Variants in PDZRN4 observed in about 807,000 individuals in gnomAD.
The protein encoded by PDZRN4 is PDZ domain containing ring finger 4.
Under a neutral mutation model 99.0 loss-of-function variants are expected in PDZRN4, and 70 were observed. The ratio of observed to expected loss-of-function variants is 0.71; its 90% CI spans 0.58 to 0.86. The LOEUF (loss-of-function observed/expected upper bound fraction) is 0.86. Ranked by LOEUF, PDZRN4 falls within the 40% of genes least tolerant of loss-of-function variation. The pLI, the probability that PDZRN4 is intolerant of heterozygous loss-of-function variation, is 0.00. For synonymous variants in PDZRN4, 551 were observed against 501.6 expected (o/e 1.10, Z -1.32); for missense variants, 1,474 against 1,331.2 (o/e 1.11, Z -1.67).
At chr12:41,522,721 G>T (rs1355538404) in intron 5 of PDZRN4, among the ~76,000 whole-genome samples, 1 of 152,044 alleles carries the variant, frequency 6.6e-6, no homozygotes, top group Non-Finnish European at 1.5e-5. Context: ...TTTCCTTAAT[G>T]GTCTTAAACA....
At chr12:41,332,002 G>A (rs1170083621) in intron 3 of PDZRN4, among the ~76,000 whole-genome samples, 1 of 152,048 alleles carries the variant, frequency 6.6e-6, no homozygotes, top group Non-Finnish European at 1.5e-5. Context: ...AGTCATCTGT[G>A]GTAGGAAACG....
chr12:41,404,744 T>TA (rs35907714), intron 3 of PDZRN4, among the ~76,000 whole-genome samples: 58,370 of 145,422 alleles, frequency 0.4, 11,447 homozygotes, highest in South Asian at 0.45. Context: ...CAAGCTATAC[T>TA]AAAAAAAAAA....
intron 5 of PDZRN4, among the ~76,000 whole-genome samples, chr12:41,531,424 C>G (rs1424590950): frequency 6.6e-6 from 1 of 152,192 alleles, no homozygotes; most frequent in Non-Finnish European, 1.5e-5. Context: ...CGATGTGTTT[C>G]TGTCAACATG....
chr12:41,275,970 T>A (rs560966704), intron 3 of PDZRN4, among the ~76,000 whole-genome samples: 2 of 152,184 alleles, frequency 1.3e-5, no homozygotes, highest in Admixed American at 1.3e-4. Flanking sequence ...GTTGGGTAAA[T>A]GGTTACAGGC....
intron 3 of PDZRN4, 126 bp downstream of exon 3, chr12:41,194,314 GC>G: frequency 1.6e-6 from 1 of 641,190 alleles, no homozygotes; most frequent in East Asian, 2.8e-5. Flanking sequence ...AGCAGTAAAG[GC>G]ATTATCATTT....
intron 3 of PDZRN4, among the ~76,000 whole-genome samples, chr12:41,327,265 G>A (rs1430689164): frequency 6.6e-6 from 1 of 152,132 alleles, no homozygotes; most frequent in African/African-American, 2.4e-5. Flanking sequence ...GAAAGCTTGA[G>A]CATATCCTCC....
chr12:41,561,542 T>C (rs1283928430), intron 7 of PDZRN4, among the ~76,000 whole-genome samples: 1 of 148,232 alleles, frequency 6.7e-6, no homozygotes, highest in African/African-American at 2.5e-5. Flanking sequence ...AAGTGCAATT[T>C]AGATGAAGAA....
intron 3 of PDZRN4, among the ~76,000 whole-genome samples, chr12:41,405,440 T>C (rs1375906538): frequency 6.6e-6 from 1 of 151,964 alleles, no homozygotes; most frequent in Non-Finnish European, 1.5e-5. Flanking sequence ...TAAAAAGTCA[T>C]AAAGCAACAG....
rs1295213974 is a variant in PDZRN4 at position 41,573,799 on chromosome 12, G to A, written c.3020G>A (p.Trp1007Ter). ...KKRNKKILDN[W>*]MTIQELMTHG... is the part of the protein sequence containing the mutation. ...AGAAACAAGAAAATTTTGGACAACT[G>A]GATGACAATCCAAGAACTGATGACC... Residue 1007 changes from tryptophan to a stop codon, truncating the protein, a stop_gained, in exon 10 of 10, where the codon TGG (tryptophan) becomes TAG (stop). Transcript: ENST00000402685. LOFTEE classifies it high-confidence loss of function. The A allele has an allele frequency of 6.2e-7, 1 of 1,613,400 alleles. No homozygotes were observed. The highest frequency in any genetic ancestry group is 1.3e-5 in the African/African-American group (1 of 74,870).
At chr12:41,412,583 G>T (rs932286722) in intron 3 of PDZRN4, 6 of 152,114 alleles carry the variant, frequency 3.9e-5, no homozygotes, top group Non-Finnish European at 7.3e-5. Context: ...AAACAAAAAG[G>T]ACGGTCAATA....
At chr12:41,342,725 A>G (rs1032797111) in intron 3 of PDZRN4, among the ~76,000 whole-genome samples, 1 of 151,894 alleles carries the variant, frequency 6.6e-6, no homozygotes, top group Non-Finnish European at 1.5e-5. Context: ...TGGCAAATAT[A>G]TGGAGAAAAG....
chr12:41,475,683 G>A (rs1256237031), intron 3 of PDZRN4, among the ~76,000 whole-genome samples: 1 of 152,248 alleles, frequency 6.6e-6, no homozygotes, highest in Admixed American at 6.5e-5. Flanking sequence ...CATAATATTA[G>A]CGCTCAAATT....
chr12:41,315,388 C>A (rs1017164108), intron 3 of PDZRN4, among the ~76,000 whole-genome samples: 2 of 152,014 alleles, frequency 1.3e-5, no homozygotes, highest in African/African-American at 4.8e-5. Flanking sequence ...AAGCTTTGAT[C>A]CACACCACTG....
At chr12:41,197,396 T>C (rs1486801669) in intron 3 of PDZRN4, among the ~76,000 whole-genome samples, 1 of 152,182 alleles carries the variant, frequency 6.6e-6, no homozygotes, top group Non-Finnish European at 1.5e-5. Context: ...ATTACTGTCA[T>C]TAGGTAAACC....
chr12:41,208,253 G>C lies in PDZRN4; in HGVS notation c.843+14065G>C, dbSNP rs890122814. 1.3e-5 allele frequency among the ~76,000 whole-genome samples: 2 copies of C among 151,882 alleles called. 1 individual carries two copies. Among genetic ancestry groups the C allele is most frequent in the Non-Finnish European group, 2.9e-5 (2 of 67,880 alleles). On this transcript the variant is annotated intron_variant, in intron 3 of 9. Coordinates refer to ENST00000402685, the MANE Select transcript of PDZRN4 (RefSeq NM_001164595.2). ...AGTGTAAGCTTTACAATTAAGACTT[G>C]ACTATTTGGTTCAAGGGAAATATTT... is the stretch of plus-strand genomic sequence containing the variant.
chr12:41,440,981 T>C (rs1396228748), intron 3 of PDZRN4, among the ~76,000 whole-genome samples: 1 of 152,128 alleles, frequency 6.6e-6, no homozygotes, highest in African/African-American at 2.4e-5. Flanking sequence ...TAATAACAGA[T>C]TTATTTCTGA....
At chr12:41,470,280 C>T (rs1340658959) in intron 3 of PDZRN4, among the ~76,000 whole-genome samples, 1 of 152,130 alleles carries the variant, frequency 6.6e-6, no homozygotes, top group Non-Finnish European at 1.5e-5. Flanking sequence ...GACAAGGAAA[C>T]TCAGACTTAT....
intron 3 of PDZRN4, among the ~76,000 whole-genome samples, chr12:41,260,795 A>G (rs1012707335): frequency 6.6e-6 from 1 of 152,184 alleles, no homozygotes; most frequent in Non-Finnish European, 1.5e-5. Context: ...TGGATTTTCT[A>G]TAGTCTGCAC....
chr12:41,213,513 T>C (rs1950900960), intron 3 of PDZRN4, among the ~76,000 whole-genome samples: 1 of 152,096 alleles, frequency 6.6e-6, no homozygotes, highest in Non-Finnish European at 1.5e-5. Flanking sequence ...TACAGCCATT[T>C]GTTCTTAGTT....
Sources: allele counts gnomAD v4.1 joint callset (sites outside exome capture counted in the v4.1 genomes callset), GRCh38; gene constraint gnomAD v4.1.1; transcripts MANE v1.5; gene names NCBI Gene and HGNC (gene_info 2026-07-23, HGNC 2026-07-21).